Variants in UBAP2 observed in about 807,000 individuals in gnomAD.
The protein encoded by UBAP2 is ubiquitin associated protein 2.
In UBAP2, 75 loss-of-function variants were observed where a neutral mutation model predicts 139.6. The ratio of observed to expected loss-of-function variants is 0.54; its 90% CI spans 0.45 to 0.65. The LOEUF (loss-of-function observed/expected upper bound fraction) is 0.65, where lower values mean the gene tolerates loss of function less well. Ranked by LOEUF, UBAP2 falls within the 30% of genes least tolerant of loss-of-function variation. The pLI, the probability that UBAP2 is intolerant of heterozygous loss-of-function variation, is 0.00. For missense variants in UBAP2, 1,368 were observed against 1,369.6 expected, an observed-to-expected ratio of 1.00 and a Z score of 0.02; for synonymous variants, 526 against 526.2, an observed-to-expected ratio of 1.00 and a Z score of 0.01.
At chr9:34,022,662 C>G (rs1825064571) in intron 1 of UBAP2, among the ~76,000 whole-genome samples, 1 of 151,794 alleles carries the variant, frequency 6.6e-6, no homozygotes, top group Admixed American at 6.6e-5. Flanking sequence ...TGGTCTTGAA[C>G]TCCTGACCTC....
At position 33,953,498 on chromosome 9, in the gene UBAP2, G is replaced by A. The variant is rs767546984; in HGVS notation, c.867-24C>T. On this transcript the variant is annotated intron_variant, in intron 11 of 28. Coordinates refer to ENST00000379238, the MANE Select transcript of UBAP2 (RefSeq NM_001370062.2). ...TGCTAAGCAGACAAAAAGCAATGAGGAACCAGTCATAAGCAAATCTTACCA... is the reference window on the plus strand; with the variant it reads ...TGCTAAGCAGACAAAAAGCAATGAGAAACCAGTCATAAGCAAATCTTACCA... The A allele has an allele frequency of 5.6e-6, 9 of 1,602,646 alleles. No homozygotes were observed. The Admixed American group carries it at 1.5e-4, about 28-fold the overall frequency.
At chr9:34,020,128 T>A (rs1290476257) in intron 1 of UBAP2, among the ~76,000 whole-genome samples, 3 of 138,250 alleles carry the variant, frequency 2.2e-5, no homozygotes, top group African/African-American at 8.3e-5. Flanking sequence ...CCAGCTTGGG[T>A]GACAGAGGGA....
rs185177185 is a variant in UBAP2 at position 34,031,987 on chromosome 9, A to G, written c.-41-14798T>C. ...CCTCCTCATCTCTACTAAAAAATAC[A>G]TTTAAAAATTAGCCAGGTATGGTGG... is the stretch of plus-strand genomic sequence containing the variant. On this transcript the variant is annotated intron_variant, in intron 1 of 28. Transcript: ENST00000379238. 2.7e-3 allele frequency among the ~76,000 whole-genome samples: 408 copies of G among 152,132 alleles called. 1 individual carries two copies. Among genetic ancestry groups the G allele is most frequent in the East Asian group, 0.01 (54 of 5,164 alleles).
At chr9:33,963,058 T>C (rs1201141985) in intron 9 of UBAP2, among the ~76,000 whole-genome samples, 1 of 152,088 alleles carries the variant, frequency 6.6e-6, no homozygotes, top group African/African-American at 2.4e-5. Flanking sequence ...TTGAAAATAA[T>C]TAAACACAAC....
chr9:34,016,364 CAGCGGCGGTGGTGGTGGT>C (rs1286608454), intron 2 of UBAP2, among the ~76,000 whole-genome samples: 185 of 39,632 alleles, frequency 4.7e-3, no homozygotes, highest in Non-Finnish European at 7.0e-3. Flanking sequence ...GCAGCGGCGG[CAGCGGCGGTGGTGGTGGT>C]GGTGGTGGTG....
At chr9:34,005,596 T>G (rs1823136930) in intron 2 of UBAP2, among the ~76,000 whole-genome samples, 1 of 152,196 alleles carries the variant, frequency 6.6e-6, no homozygotes, top group South Asian at 2.1e-4. Flanking sequence ...AACTTAACAA[T>G]TAATGTCTCA....
chr9:33,928,075 C>G (rs1438194732), intron 19 of UBAP2, 83 bp from the exon 20 acceptor site: 34 of 1,404,790 alleles, frequency 2.4e-5, no homozygotes, highest in South Asian at 1.4e-4. Flanking sequence ...CGCTTGGGCC[C>G]AAGTCTCAAG....
chr9:33,959,315 T>C (rs749817638), intron 10 of UBAP2, among the ~76,000 whole-genome samples: 4 of 152,180 alleles, frequency 2.6e-5, no homozygotes, highest in Middle Eastern at 3.2e-3. Context: ...ACAAGTCAAG[T>C]AGAAATCATG....
intron 20 of UBAP2, 31 bp downstream of exon 20, chr9:33,927,766 G>T (rs1823581794): frequency 2.5e-6 from 4 of 1,581,922 alleles, no homozygotes; most frequent in Admixed American, 1.7e-5. Flanking sequence ...GGGGCTCAGG[G>T]GTGGGCAGGA....
At chr9:33,925,640 GC>G (rs565323116) in intron 22 of UBAP2, among the ~76,000 whole-genome samples, 90 of 152,274 alleles carry the variant, frequency 5.9e-4, no homozygotes, top group Non-Finnish European at 1.1e-3. Context: ...GGGAGAAGCC[GC>G]TCCGCTCCCA....
Position 33,922,501 on chromosome 9 carries a change from G to T in UBAP2, c.*3C>A. The T allele has an allele frequency of 6.2e-7, 1 of 1,613,538 alleles. No homozygotes were observed. Among genetic ancestry groups the T allele is most frequent in the Non-Finnish European group, 8.5e-7 (1 of 1,179,800 alleles). On this transcript the variant is annotated 3_prime_UTR_variant, in exon 29 of 29. Transcript: ENST00000379238. ...TGCCCCAGCCCACCCCTCTCTTCTGGGTTTAGTTTGTCCAGTATGGAGAGT... is the reference window on the plus strand; with the variant it reads ...TGCCCCAGCCCACCCCTCTCTTCTGTGTTTAGTTTGTCCAGTATGGAGAGT...
rs563569533 is a variant in UBAP2, at chr9:33,966,036, C to T, written c.680-2245G>A. 7.6e-5 allele frequency among the ~76,000 whole-genome samples: 11 copies of T among 144,824 alleles called. No individual in the cohort carries two copies. In the South Asian group the frequency reaches 8.9e-4, roughly 12 times the overall value. The stretch of plus-strand genomic sequence containing the variant: ...CTGCGCTCCAGCCTGACTGACGAAG[C>T]GAGACTCCATCTCAAAAAAATAAAA... On this transcript the variant is annotated intron_variant, in intron 8 of 28. Coordinates refer to ENST00000379238, the MANE Select transcript of UBAP2 (RefSeq NM_001370062.2).
At chr9:34,042,061 G>GT (rs1399263926) in intron 1 of UBAP2, among the ~76,000 whole-genome samples, 19 of 152,250 alleles carry the variant, frequency 1.2e-4, no homozygotes, top group Admixed American at 9.8e-4. Flanking sequence ...TCTCAAGCAT[G>GT]TAAGAGTGAA....
intron 10 of UBAP2, among the ~76,000 whole-genome samples, chr9:33,957,670 C>T (rs1036231551): frequency 2.0e-5 from 3 of 152,102 alleles, no homozygotes; most frequent in Admixed American, 6.5e-5. Flanking sequence ...TGTGGGGACT[C>T]GGCTTTGAAA....
At chr9:34,011,676 A>G (rs557825235) in intron 2 of UBAP2, 2 of 987,520 alleles carry the variant, frequency 2.0e-6, no homozygotes, top group East Asian at 1.1e-4. Context: ...TTGGGAAAAA[A>G]GAGGAAAAAT....
intron 1 of UBAP2, among the ~76,000 whole-genome samples, chr9:34,041,464 C>CAAAAAAA (rs1226126055): frequency 1.2e-5 from 1 of 82,518 alleles, no homozygotes. Flanking sequence ...AACTCCATCT[C>CAAAAAAA]AAAAAAAAAA....
Position 34,016,298 on chromosome 9 carries a change from AGGAGGAAG to A in UBAP2, c.99+744_99+751del, listed in dbSNP as rs1564064225. ...AAGGAGGAAGAGGAGGAGGAGGAAG[AGGAGGAAG>A]AGGAGGAAGAGAAGGAGGAAGAGGA... On this transcript the variant is annotated intron_variant, in intron 2 of 28. Coordinates refer to ENST00000379238, the MANE Select transcript of UBAP2 (RefSeq NM_001370062.2). Among the ~76,000 whole-genome samples, 90 of 102,270 alleles carry A rather than the reference AGGAGGAAG, an allele frequency of 8.8e-4. 2 individuals are homozygous for A. The highest frequency in any genetic ancestry group is 1.1e-3 in the Non-Finnish European group (58 of 50,640). The allele number at this position is 102,270 out of a possible 152,430, so 67.1% of individuals were successfully genotyped here.
intron 1 of UBAP2, among the ~76,000 whole-genome samples, chr9:34,021,432 A>T (rs1824931243): frequency 6.6e-6 from 1 of 152,146 alleles, no homozygotes; most frequent in Admixed American, 6.6e-5. Flanking sequence ...TTTCAGTTTA[A>T]CAACTTTATA....
chr9:34,029,631 T>C (rs1825715753), intron 1 of UBAP2, among the ~76,000 whole-genome samples: 1 of 150,872 alleles, frequency 6.6e-6, no homozygotes, highest in Non-Finnish European at 1.5e-5. Context: ...GGCTCAGGAG[T>C]TCGAGACCAG....
Sources: allele counts gnomAD v4.1 joint callset (sites outside exome capture counted in the v4.1 genomes callset), GRCh38; gene constraint gnomAD v4.1.1; transcripts MANE v1.5; gene names NCBI Gene and HGNC (gene_info 2026-07-23, HGNC 2026-07-21).